The following PCED1B variants were observed in gnomAD, a reference collection of about 807,000 sequenced individuals.
The protein encoded by PCED1B is PC-esterase domain containing 1B.
For synonymous variants in PCED1B, 251 were observed against 246.1 expected (o/e 1.02, Z -0.19); for missense variants, 573 against 573.9 (o/e 1.00, Z 0.02).
chr12:47,179,065 G>A (rs1942016747), intron 2 of PCED1B, among the ~76,000 whole-genome samples: 1 of 152,078 alleles, frequency 6.6e-6, no homozygotes, highest in African/African-American at 2.4e-5. Context: ...TACAAATTGC[G>A]AATTGGAGCA....
chr12:47,219,761 C>A (rs1943415079), intron 3 of PCED1B, among the ~76,000 whole-genome samples: 1 of 152,116 alleles, frequency 6.6e-6, no homozygotes, highest in African/African-American at 2.4e-5. Flanking sequence ...ACAAGGAAAG[C>A]TACATGCAAA....
chr12:47,120,443 A>G (rs1417477527), intron 2 of PCED1B, among the ~76,000 whole-genome samples: 4 of 152,208 alleles, frequency 2.6e-5, no homozygotes, highest in Non-Finnish European at 5.9e-5. Context: ...ATGTCCATCA[A>G]CTGATGAATG....
chr12:47,182,986 C>A (rs1273518587), intron 2 of PCED1B, among the ~76,000 whole-genome samples: 1 of 151,320 alleles, frequency 6.6e-6, no homozygotes, highest in Non-Finnish European at 1.5e-5. Flanking sequence ...CAGCTAAAAG[C>A]TAAATTAGAA....
intron 2 of PCED1B, among the ~76,000 whole-genome samples, chr12:47,165,331 T>C (rs1386593893): frequency 6.6e-6 from 1 of 152,216 alleles, no homozygotes; most frequent in Non-Finnish European, 1.5e-5. Context: ...ACCACTATTT[T>C]ACAGCCAATA....
intron 1 of PCED1B, among the ~76,000 whole-genome samples, chr12:47,090,741 G>A (rs1439483764): frequency 6.6e-6 from 1 of 152,082 alleles, no homozygotes; most frequent in East Asian, 1.9e-4. Context: ...CTTTATGTTG[G>A]AGAGATTCAT....
chr12:47,208,267 G>T (rs1442368913), intron 2 of PCED1B, among the ~76,000 whole-genome samples: 8 of 152,182 alleles, frequency 5.3e-5, no homozygotes, highest in Non-Finnish European at 1.2e-4. Context: ...TTCAGACAGG[G>T]TCTCATCTCC....
intron 3 of PCED1B, among the ~76,000 whole-genome samples, chr12:47,217,620 A>AG (rs1943338341): frequency 6.6e-6 from 1 of 152,180 alleles, no homozygotes; most frequent in South Asian, 2.1e-4. Flanking sequence ...TCTGCTGCTC[A>AG]GGCTGGAGTG....
chr12:47,226,145 A>G (rs1265319635), intron 3 of PCED1B, among the ~76,000 whole-genome samples: 1 of 152,252 alleles, frequency 6.6e-6, no homozygotes, highest in Non-Finnish European at 1.5e-5. Flanking sequence ...CTTTGAAAAC[A>G]GAAAAAAACA....
At chr12:47,114,074 C>G (rs1939318065) in intron 2 of PCED1B, among the ~76,000 whole-genome samples, 1 of 152,092 alleles carries the variant, frequency 6.6e-6, no homozygotes, top group Admixed American at 6.5e-5. Flanking sequence ...GAATCTAGGA[C>G]TTAGATAATT....
At chr12:47,137,699 G>A (rs542069208) in intron 2 of PCED1B, among the ~76,000 whole-genome samples, 91 of 139,726 alleles carry the variant, frequency 6.5e-4, no homozygotes, top group African/African-American at 2.3e-3. Context: ...CTGCACTCCA[G>A]CCTGGGTGAC....
intron 2 of PCED1B, among the ~76,000 whole-genome samples, chr12:47,204,959 C>T (rs1942870527): frequency 6.6e-6 from 1 of 152,162 alleles, no homozygotes; most frequent in Admixed American, 6.5e-5. Context: ...GTGTAACCAC[C>T]TAACAGGTTC....
At chr12:47,128,695 G>T (rs750709574) in intron 2 of PCED1B, among the ~76,000 whole-genome samples, 1 of 152,246 alleles carries the variant, frequency 6.6e-6, no homozygotes, top group Non-Finnish European at 1.5e-5. Context: ...TGCAAAGGAT[G>T]CAGGTGTGGT....
intron 2 of PCED1B, among the ~76,000 whole-genome samples, chr12:47,130,059 G>T (rs959015919): frequency 6.6e-6 from 1 of 152,050 alleles, no homozygotes; most frequent in African/African-American, 2.4e-5. Context: ...TCATATATGG[G>T]TTTTTTAAAA....
At chr12:47,161,047 AC>A (rs1381750720) in intron 2 of PCED1B, among the ~76,000 whole-genome samples, 1 of 152,212 alleles carries the variant, frequency 6.6e-6, no homozygotes, top group Admixed American at 6.5e-5. Context: ...TTGCATTGCA[AC>A]ACATGCAACA....
chr12:47,163,574 G>T (rs1941455654), intron 2 of PCED1B, among the ~76,000 whole-genome samples: 1 of 152,142 alleles, frequency 6.6e-6, no homozygotes, highest in South Asian at 2.1e-4. Context: ...TTATTATACT[G>T]AGGCAGTTTC....
chr12:47,179,020 T>C (rs74086373), intron 2 of PCED1B, among the ~76,000 whole-genome samples: 18 of 152,344 alleles, frequency 1.2e-4, no homozygotes, highest in African/African-American at 4.1e-4. Context: ...ATTTTTAACT[T>C]TGAAAAGTAA....
intron 2 of PCED1B, among the ~76,000 whole-genome samples, chr12:47,107,494 A>G (rs1208844116): frequency 2.0e-5 from 3 of 152,328 alleles, no homozygotes; most frequent in Non-Finnish European, 2.9e-5. Context: ...GATTGTGACC[A>G]TTTTCCCAGA....
intron 1 of PCED1B, among the ~76,000 whole-genome samples, chr12:47,101,174 A>T (rs898694742): frequency 3.3e-5 from 5 of 152,166 alleles, no homozygotes; most frequent in Admixed American, 3.3e-4. Flanking sequence ...TGATATTGTA[A>T]TATAATTACT....
At chr12:47,089,052 G>A (rs987716631) in intron 1 of PCED1B, among the ~76,000 whole-genome samples, 5 of 152,090 alleles carry the variant, frequency 3.3e-5, no homozygotes, top group Admixed American at 1.3e-4. Flanking sequence ...AGACAGGGCC[G>A]TCTTTATAAC....
Sources: gnomAD v4.1 joint callset for allele counts (sites outside exome capture counted in the v4.1 genomes callset) on GRCh38, gnomAD v4.1.1 for gene constraint, MANE v1.5 for transcripts, NCBI Gene and HGNC (gene_info 2026-07-23, HGNC 2026-07-21) for gene names.